CARTPT: variants seen among roughly 807,000 people sequenced by gnomAD.
The protein encoded by CARTPT is CART prepropeptide.
Under a neutral mutation model 12.2 loss-of-function variants are expected in CARTPT, and 6 were observed. The observed-to-expected ratio is 0.49, with a 90% CI of 0.27 to 0.97. The LOEUF (loss-of-function observed/expected upper bound fraction) is 0.97. Among genes scored for constraint, CARTPT ranks in the 50% least tolerant of loss-of-function variants. The pLI, the probability that CARTPT is intolerant of heterozygous loss-of-function variation, is 0.12. For missense variants in CARTPT, 135 were observed against 142.0 expected (o/e 0.95, Z 0.25); for synonymous variants, 75 against 64.1 (o/e 1.17, Z -0.82).
rs945913610 is a variant in CARTPT at position 71,720,966 on chromosome 5, C to T, written c.*351C>T. The T allele has an allele frequency of 3.3e-6, 1 of 299,322 alleles. No individual in the cohort carries two copies. Among genetic ancestry groups the T allele is most frequent in the Admixed American group, 4.6e-5 (1 of 21,564 alleles). The allele number at this position is 299,322 out of a possible 1,614,324, so 18.5% of individuals were successfully genotyped here. On this transcript the variant is annotated 3_prime_UTR_variant, in exon 3 of 3. Coordinates refer to ENST00000296777, the MANE Select transcript of CARTPT (RefSeq NM_004291.4). ...TAGCTAATCTCGGTAGATGTCATTA[C>T]AACCTGGAAAATAAATCACCCTAAG...
chr5:71,720,388 G>C, intron 2 of CARTPT, 120 bp from the exon 3 acceptor site: 3 of 811,454 alleles, frequency 3.7e-6, no homozygotes, highest in Non-Finnish European at 6.3e-6. Context: ...TAGACCTCTT[G>C]TGATGGTGAT....
In CARTPT at chr5:71,719,308, C is replaced by G; in HGVS notation, c.15C>G (p.Arg5=). Reference sequence around the variant, plus strand: ...GTTTCAGAACGATGGAGAGCTCCCGCGTGAGGCTGCTGCCCCTCCTGGGCG... The same window carrying G: ...GTTTCAGAACGATGGAGAGCTCCCGGGTGAGGCTGCTGCCCCTCCTGGGCG... MESS[R]VRLLPLLGAA... Residue 5 remains arginine, a synonymous_variant, in exon 1 of 3, where the codon CGC becomes CGG. Coordinates refer to ENST00000296777, the MANE Select transcript of CARTPT (RefSeq NM_004291.4). 1 of 1,612,746 alleles carries G rather than the reference C, an allele frequency of 6.2e-7. No homozygotes were observed. Among genetic ancestry groups the G allele is most frequent in the Non-Finnish European group, 8.5e-7 (1 of 1,180,010 alleles).
At chr5:71,719,847 G>C (rs16871443) in intron 1 of CARTPT, 33 bp from the exon 2 acceptor site, 97 of 1,608,164 alleles carry the variant, frequency 6.0e-5, no homozygotes, top group Non-Finnish European at 8.0e-5. Flanking sequence ...CAGCCAAGGC[G>C]GCAACTTCAG....
intron 1 of CARTPT, 74 bp downstream of exon 1, chr5:71,719,526 C>A: frequency 6.5e-7 from 1 of 1,544,044 alleles, no homozygotes; most frequent in Non-Finnish European, 8.9e-7. Flanking sequence ...CCCTCCTCCC[C>A]CCACCCCCAC....
At chr5:71,719,778 C>G in intron 1 of CARTPT, 102 bp from the exon 2 acceptor site, 1 of 1,050,440 alleles carries the variant, frequency 9.5e-7, no homozygotes, top group African/African-American at 1.6e-5. Context: ...CCGCAGAGTG[C>G]GTGTGGGTCC....
In CARTPT at chr5:71,719,459, A is replaced by G. The variant is rs1345708991; in HGVS notation, c.159+7A>G. The G allele has an allele frequency of 5.6e-6, 9 of 1,613,894 alleles. No homozygotes were observed. In the East Asian group the frequency reaches 2.0e-4, roughly 36 times the overall value. On this transcript the variant is annotated splice_region_variant and intron_variant, in intron 1 of 2. Coordinates refer to ENST00000296777, the MANE Select transcript of CARTPT (RefSeq NM_004291.4). Reference sequence around the variant, plus strand: ...CTCCCACGAGAAGGAGCTGGTCGGTATTCCCCTCGCTCTCGACCCCCTTGA... The same window carrying G: ...CTCCCACGAGAAGGAGCTGGTCGGTGTTCCCCTCGCTCTCGACCCCCTTGA...
rs200101845 is a variant in CARTPT, at chr5:71,719,846, C to T, written c.160-34C>T. On this transcript the variant is annotated intron_variant, in intron 1 of 2. Transcript: ENST00000296777. ...ACCTGGGCTGGGCTCGCAGCCAAGG[C>T]GGCAACTTCAGGCTCCGAAGCGGTG... The T allele has an allele frequency of 2.1e-5, 34 of 1,605,880 alleles. No homozygotes were observed. In the East Asian group the frequency reaches 6.0e-4, roughly 28 times the overall value.
At chr5:71,719,846 C>G in intron 1 of CARTPT, 34 bp from the exon 2 acceptor site, 1 of 1,605,880 alleles carries the variant, frequency 6.2e-7, no homozygotes, top group Non-Finnish European at 8.5e-7. Flanking sequence ...GCAGCCAAGG[C>G]GGCAACTTCA....
At chr5:71,719,703 A>G (rs1229604825) in intron 1 of CARTPT, 177 bp from the exon 2 acceptor site, 1 of 758,424 alleles carries the variant, frequency 1.3e-6, no homozygotes, top group Non-Finnish European at 2.3e-6. Flanking sequence ...ACCCGCGGTC[A>G]GTACCTGGGA....
rs79443105 is a variant in CARTPT, at chr5:71,719,282, A to T, written c.-12A>T. The stretch of plus-strand genomic sequence containing the variant: ...AGCGCGTGGTGCCCCAGCAACGACG[A>T]GTTTCAGAACGATGGAGAGCTCCCG... On this transcript the variant is annotated 5_prime_UTR_variant, in exon 1 of 3. Transcript: ENST00000296777. 3.3e-4 allele frequency: 539 copies of T among 1,610,180 alleles called. No individual in the cohort carries two copies. The highest frequency in any genetic ancestry group is 4.3e-4 in the Non-Finnish European group (512 of 1,179,990).
chr5:71,719,627 G>C, intron 1 of CARTPT, 175 bp downstream of exon 1: 1 of 831,950 alleles, frequency 1.2e-6, no homozygotes, highest in South Asian at 1.6e-5. Context: ...ACGGGCTCCT[G>C]GCAGTCTGTT....
In CARTPT at chr5:71,720,520, G is replaced by T; in HGVS notation, c.256G>T (p.Glu86Ter). The change falls in exon 3 of 3, where the codon GAG (glutamate) becomes TAG (stop). Residue 86 changes from glutamate (E) to a stop codon, truncating the protein, a stop_gained. Transcript: ENST00000296777. LOFTEE classifies it high-confidence loss of function. Reference protein sequence around the residue: ...YGQVPMCDAGEQCAVRKGARI... With the variant: ...YGQVPMCDAG ...TTTGTTGTTTCAGTGTGACGCCGGTGAGCAGTGTGCAGTGAGGAAAGGGGC... is the reference window on the plus strand; with the variant it reads ...TTTGTTGTTTCAGTGTGACGCCGGTTAGCAGTGTGCAGTGAGGAAAGGGGC... 1.2e-6 allele frequency: 2 copies of T among 1,612,556 alleles called. No individual in the cohort carries two copies. Among genetic ancestry groups the T allele is most frequent in the South Asian group, 1.1e-5 (1 of 90,452 alleles).
At chr5:71,719,750 T>A in intron 1 of CARTPT, 130 bp from the exon 2 acceptor site, 1 of 895,168 alleles carries the variant, frequency 1.1e-6, no homozygotes, top group Non-Finnish European at 1.8e-6. Context: ...GACCATTCCC[T>A]GTGTCCGCGG....
chr5:71,719,674 G>C, intron 1 of CARTPT: 1 of 753,176 alleles, frequency 1.3e-6, no homozygotes, highest in Non-Finnish European at 2.2e-6. Context: ...TGAGCAACAG[G>C]GACCCCAGCG....
rs1748688144 is a variant in CARTPT, at chr5:71,720,596, T to C, written c.332T>C (p.Phe111Ser). 2 of 1,609,978 alleles carry C rather than the reference T, an allele frequency of 1.2e-6. No individual in the cohort carries two copies. Among genetic ancestry groups the C allele is most frequent in the Non-Finnish European group, 1.7e-6 (2 of 1,178,430 alleles). ...DCPRGTSCNS[F>S]LLKCL ...CCCCGAGGAACCTCCTGCAATTCCTTCCTCCTGAAGTGCTTATGAAGGGGC... is the reference window on the plus strand; with the variant it reads ...CCCCGAGGAACCTCCTGCAATTCCTCCCTCCTGAAGTGCTTATGAAGGGGC... Residue 111 changes from phenylalanine (F) to serine (S), a missense_variant, in exon 3 of 3, where the codon TTC becomes TCC. By Grantham distance (155) the Phe-to-Ser change is radical. Transcript: ENST00000296777.
chr5:71,719,786 T>G (rs1281077980), intron 1 of CARTPT, 94 bp from the exon 2 acceptor site: 9 of 1,163,790 alleles, frequency 7.7e-6, no homozygotes, highest in African/African-American at 1.5e-5. Flanking sequence ...TGCGTGTGGG[T>G]CCGGGGCTCC....
In CARTPT at chr5:71,719,308, C is replaced by T; in HGVS notation, c.15C>T (p.Arg5=). ...GTTTCAGAACGATGGAGAGCTCCCG[C>T]GTGAGGCTGCTGCCCCTCCTGGGCG... The part of the protein sequence containing the change: MESS[R]VRLLPLLGAA... The change falls in exon 1 of 3, where the codon CGC becomes CGT. Residue 5 remains arginine (R), a synonymous_variant. Coordinates refer to ENST00000296777, the MANE Select transcript of CARTPT (RefSeq NM_004291.4). 2 of 1,612,746 alleles carry T rather than the reference C, an allele frequency of 1.2e-6. No homozygotes were observed. The highest frequency in any genetic ancestry group is 1.3e-5 in the African/African-American group (1 of 75,038).
At chr5:71,720,138 G>C (rs1238089062) in intron 2 of CARTPT, among the ~76,000 whole-genome samples, 175 bp downstream of exon 2, 2 of 152,090 alleles carry the variant, frequency 1.3e-5, no homozygotes, top group Non-Finnish European at 2.9e-5. Flanking sequence ...CAGGAACAGG[G>C]GTTGTAAGAA....
chr5:71,719,408 G>C lies in CARTPT; in HGVS notation c.115G>C (p.Asp39His), dbSNP rs1442724067. ...CGCCGAGCTCCAGCCCCGAGCCCTG[G>C]ACATCTACTCTGCCGTGGATGATGC... Reference protein sequence around the residue: ...EDAELQPRALDIYSAVDDASH... With the variant: ...EDAELQPRALHIYSAVDDASH... Residue 39 changes from aspartate to histidine, a missense_variant, in exon 1 of 3, where the codon GAC (aspartate) becomes CAC (histidine). Asp to His is a moderately conservative substitution (Grantham distance 81, BLOSUM62 -1). Coordinates refer to ENST00000296777, the MANE Select transcript of CARTPT (RefSeq NM_004291.4). 2 of 1,614,132 alleles carry C rather than the reference G, an allele frequency of 1.2e-6. No homozygotes were observed. The highest frequency in any genetic ancestry group is 1.7e-5 in the Admixed American group (1 of 60,032).
Sources: allele counts gnomAD v4.1 joint callset (sites outside exome capture counted in the v4.1 genomes callset), GRCh38; gene constraint gnomAD v4.1.1; transcripts MANE v1.5; gene names NCBI Gene and HGNC (gene_info 2026-07-23, HGNC 2026-07-21).